POU6F2: variants seen among roughly 807,000 people sequenced by gnomAD.
The protein encoded by POU6F2 is POU class 6 homeobox 2.
POU6F2 carries 31 observed loss-of-function variants against 71.3 expected under a neutral mutation model. The observed-to-expected ratio is 0.43, with a 90% CI of 0.33 to 0.59. POU6F2 has a LOEUF of 0.59. Among genes scored for constraint, POU6F2 ranks in the 20% least tolerant of loss-of-function variants. POU6F2 has a pLI of 0.04. For synonymous variants in POU6F2, 347 were observed against 355.7 expected, an observed-to-expected ratio of 0.98 and a Z score of 0.27; for missense variants, 783 against 856.8, an observed-to-expected ratio of 0.91 and a Z score of 1.07.
intron 5 of POU6F2, among the ~76,000 whole-genome samples, chr7:39,377,903 A>C (rs1252699367): frequency 6.6e-6 from 1 of 152,220 alleles, no homozygotes; most frequent in African/African-American, 2.4e-5. Context: ...GGTACCTCTA[A>C]GAAGAGCTGG....
At chr7:39,331,241 G>A (rs916464097) in intron 4 of POU6F2, among the ~76,000 whole-genome samples, 3 of 152,142 alleles carry the variant, frequency 2.0e-5, no homozygotes, top group Admixed American at 2.0e-4. Context: ...GTAAACATGA[G>A]GGTACAGATG....
chr7:39,065,417 G>A (rs973083935), intron 1 of POU6F2, among the ~76,000 whole-genome samples: 5 of 151,454 alleles, frequency 3.3e-5, no homozygotes, highest in Non-Finnish European at 4.4e-5. Flanking sequence ...TTTTTTAAAC[G>A]GATAAATAAA....
intron 1 of POU6F2, among the ~76,000 whole-genome samples, chr7:39,029,143 T>G (rs1029656741): frequency 6.6e-6 from 1 of 152,124 alleles, no homozygotes; most frequent in African/African-American, 2.4e-5. Context: ...TTAACACAAA[T>G]TTTTCAACTT....
At chr7:39,356,363 C>T (rs150840687) in intron 5 of POU6F2, among the ~76,000 whole-genome samples, 5 of 152,256 alleles carry the variant, frequency 3.3e-5, no homozygotes, top group Admixed American at 2.0e-4. Flanking sequence ...TGGAATGTCC[C>T]GTCTTCTCAT....
intron 9 of POU6F2, among the ~76,000 whole-genome samples, chr7:39,463,949 A>C (rs1354946248): frequency 1.3e-5 from 2 of 152,192 alleles, no homozygotes; most frequent in African/African-American, 4.8e-5. Flanking sequence ...TAGCTCATGC[A>C]TCCTGCTGTC....
chr7:39,007,081 G>A (rs1789095278), intron 1 of POU6F2, among the ~76,000 whole-genome samples: 1 of 152,100 alleles, frequency 6.6e-6, no homozygotes, highest in Non-Finnish European at 1.5e-5. Flanking sequence ...GTATCCATGG[G>A]TGGCATTACA....
chr7:39,432,654 A>G (rs1788135133), intron 6 of POU6F2, among the ~76,000 whole-genome samples: 1 of 151,924 alleles, frequency 6.6e-6, no homozygotes, highest in Non-Finnish European at 1.5e-5. Flanking sequence ...ATGTCAAAGG[A>G]TCCCCTAGTT....
At chr7:39,145,146 C>T (rs865987808) in intron 2 of POU6F2, among the ~76,000 whole-genome samples, 8 of 152,178 alleles carry the variant, frequency 5.3e-5, no homozygotes, top group Middle Eastern at 3.4e-3. Flanking sequence ...TATTTTTTGC[C>T]ACTCTAGAGT....
intron 2 of POU6F2, among the ~76,000 whole-genome samples, chr7:39,095,620 G>T (rs1322600945): frequency 6.6e-6 from 1 of 152,150 alleles, no homozygotes; most frequent in Non-Finnish European, 1.5e-5. Flanking sequence ...GATTCTTAGA[G>T]TGACAGAGGT....
intron 5 of POU6F2, among the ~76,000 whole-genome samples, chr7:39,365,356 A>G (rs1412455887): frequency 2.6e-5 from 4 of 152,208 alleles, no homozygotes; most frequent in Non-Finnish European, 5.9e-5. Flanking sequence ...ATGAAACTGG[A>G]TCCTCATCTC....
intron 5 of POU6F2, among the ~76,000 whole-genome samples, chr7:39,365,148 A>G (rs917108247): frequency 6.6e-6 from 1 of 152,208 alleles, no homozygotes; most frequent in Non-Finnish European, 1.5e-5. Flanking sequence ...CTATAAGGCC[A>G]TCGTTGCCAA....
chr7:39,035,445 G>A (rs1790037031), intron 1 of POU6F2, among the ~76,000 whole-genome samples: 1 of 152,090 alleles, frequency 6.6e-6, no homozygotes, highest in African/African-American at 2.4e-5. Context: ...AAAAAAATGG[G>A]ATTTATAAAA....
chr7:39,318,361 T>A (rs1035415998), intron 4 of POU6F2, among the ~76,000 whole-genome samples: 1 of 152,132 alleles, frequency 6.6e-6, no homozygotes, highest in African/African-American at 2.4e-5. Context: ...GGTGGGGCCC[T>A]GGAATCAGCA....
At chr7:39,352,120 G>A (rs1462177460) in intron 5 of POU6F2, among the ~76,000 whole-genome samples, 2 of 152,162 alleles carry the variant, frequency 1.3e-5, no homozygotes, top group Non-Finnish European at 2.9e-5. Flanking sequence ...TTGAGGACAA[G>A]TCTGTTCTTT....
At chr7:39,108,708 G>T (rs578252955) in intron 2 of POU6F2, among the ~76,000 whole-genome samples, 1 of 152,214 alleles carries the variant, frequency 6.6e-6, no homozygotes, top group South Asian at 2.1e-4. Flanking sequence ...TGAGTCTTTA[G>T]TATCTATCTA....
chr7:39,129,826 G>A (rs1416623664), intron 2 of POU6F2, among the ~76,000 whole-genome samples: 2 of 152,056 alleles, frequency 1.3e-5, no homozygotes, highest in African/African-American at 4.8e-5. Context: ...CACTTTGGGA[G>A]GCCGAGGCGG....
intron 2 of POU6F2, among the ~76,000 whole-genome samples, chr7:39,163,077 C>T (rs1417331546): frequency 2.0e-5 from 3 of 152,148 alleles, no homozygotes; most frequent in Non-Finnish European, 4.4e-5. Context: ...ACCCCTTTCT[C>T]TTAATCAAAG....
chr7:39,144,754 G>C (rs527668505), intron 2 of POU6F2, among the ~76,000 whole-genome samples: 1 of 152,276 alleles, frequency 6.6e-6, no homozygotes, highest in African/African-American at 2.4e-5. Context: ...AGGCAAAACT[G>C]TCATTTGGTG....
At chr7:39,330,054 T>C (rs1347404695) in intron 4 of POU6F2, among the ~76,000 whole-genome samples, 1 of 152,202 alleles carries the variant, frequency 6.6e-6, no homozygotes, top group Admixed American at 6.5e-5. Flanking sequence ...CATGCTAAGT[T>C]CTCAGCCATC....
Sources: allele counts gnomAD v4.1 joint callset (sites outside exome capture counted in the v4.1 genomes callset), GRCh38; gene constraint gnomAD v4.1.1; transcripts MANE v1.5; gene names NCBI Gene and HGNC (gene_info 2026-07-23, HGNC 2026-07-21).